Variants in MPRIP observed in about 807,000 individuals in gnomAD.
MPRIP encodes the protein myosin phosphatase Rho interacting protein.
Under a neutral mutation model 234.9 loss-of-function variants are expected in MPRIP, and 59 were observed. That is an observed-to-expected ratio of 0.25 (90% confidence interval 0.20 to 0.31). MPRIP has a LOEUF of 0.31. Among genes scored for constraint, MPRIP ranks in the 10% least tolerant of loss-of-function variants. The pLI, the probability that MPRIP is intolerant of heterozygous loss-of-function variation, is 1.00. For synonymous variants in MPRIP, 1,144 were observed against 1,263.9 expected, an observed-to-expected ratio of 0.91 and a Z score of 2.01; for missense variants, 2,436 against 3,071.0, an observed-to-expected ratio of 0.79 and a Z score of 4.89.
rs138502878 is a variant in MPRIP, at chr17:17,093,652, T to C, written c.267+15576T>C. ...AATTGTTTTTTCAAAATAGTGTATG[T>C]ACAGTAGTTCAAAAAGTCAGATATG... On this transcript the variant is annotated intron_variant, in intron 3 of 23. Coordinates refer to ENST00000651222, the MANE Select transcript of MPRIP (RefSeq NM_001364716.4). 3.6e-3 allele frequency among the ~76,000 whole-genome samples: 554 copies of C among 152,326 alleles called. 5 individuals carry two copies. Among genetic ancestry groups the C allele is most frequent in the Middle Eastern group, 6.8e-3 (2 of 294 alleles).
intron 1 of MPRIP, among the ~76,000 whole-genome samples, chr17:17,057,324 G>C (rs1431605631): frequency 6.6e-6 from 1 of 152,266 alleles, no homozygotes; most frequent in African/African-American, 2.4e-5. Flanking sequence ...TGCAGGGGTG[G>C]CTCAGCTGCT....
Position 17,111,156 on chromosome 17 carries a change from AC to A in MPRIP, c.268-15544del, listed in dbSNP as rs796512102. On this transcript the variant is annotated intron_variant, in intron 3 of 23. Transcript: ENST00000651222. ...TTATTTTAAAAGTTTAAAAAAAAAAACCAAAAAAAAAAGAAAAAACCTCTAG... is the reference window on the plus strand; with the variant it reads ...TTATTTTAAAAGTTTAAAAAAAAAAACAAAAAAAAAAGAAAAAACCTCTAG... Among the ~76,000 whole-genome samples, 250 of 141,010 alleles carry A rather than the reference AC, an allele frequency of 1.8e-3. 1 individual carries two copies. The highest frequency in any genetic ancestry group is 6.1e-3 in the African/African-American group (220 of 36,000). 92.5% of individuals were successfully genotyped at this position (141,010 alleles called of 152,430 possible).
chr17:17,165,030 C>T lies in MPRIP; in HGVS notation c.3439C>T (p.His1147Tyr). ...AGAGGCTGACAACCAGAGCCTGGAGCACTCCTACCAGAGGGTCTCCAGCCA... is the reference window on the plus strand; with the variant it reads ...AGAGGCTGACAACCAGAGCCTGGAGTACTCCTACCAGAGGGTCTCCAGCCA... ...RREADNQSLEHSYQRVSSQLQ... is the reference protein window; with the variant it reads ...RREADNQSLEYSYQRVSSQLQ... Residue 1147 changes from histidine to tyrosine, a missense_variant, in exon 16 of 24, where the codon CAC (histidine) becomes TAC (tyrosine). This residue lies in a region of MPRIP where 1,998 missense variants were observed against 2,520.3 expected (regional missense o/e 0.79). Transcript: ENST00000651222. 7.7e-7 allele frequency: 1 copy of T among 1,301,730 alleles called. No homozygotes were observed. The highest frequency in any genetic ancestry group is 1.2e-5 in the South Asian group (1 of 81,030). 80.6% of individuals were successfully genotyped at this position (1,301,730 alleles called of 1,614,324 possible). A position where few individuals can be genotyped will look rare whatever the true frequency, so the allele number is the denominator to read the frequency against.
intron 3 of MPRIP, among the ~76,000 whole-genome samples, chr17:17,100,767 G>T (rs1386768000): frequency 6.6e-6 from 1 of 151,990 alleles, no homozygotes; most frequent in South Asian, 2.1e-4. Flanking sequence ...CTACATTATG[G>T]TGAGTATGTA....
chr17:17,109,917 C>T (rs138535185), intron 3 of MPRIP, among the ~76,000 whole-genome samples: 1 of 152,146 alleles, frequency 6.6e-6, no homozygotes, highest in Non-Finnish European at 1.5e-5. Context: ...ACACTTTGAG[C>T]AACAAAATAA....
chr17:17,105,391 A>T (rs1434120966), intron 3 of MPRIP, among the ~76,000 whole-genome samples: 3 of 151,492 alleles, frequency 2.0e-5, no homozygotes, highest in Non-Finnish European at 4.4e-5. Flanking sequence ...CTACATCCAT[A>T]CTCCTAGGGA....
intron 1 of MPRIP, among the ~76,000 whole-genome samples, chr17:17,060,381 G>C (rs1006135040): frequency 6.6e-6 from 1 of 152,242 alleles, no homozygotes; most frequent in East Asian, 1.9e-4. Flanking sequence ...CCCTTCACCT[G>C]TGTCACCCTT....
intron 4 of MPRIP, among the ~76,000 whole-genome samples, chr17:17,129,861 A>C (rs1597855280): frequency 1.3e-5 from 2 of 152,320 alleles, no homozygotes; most frequent in South Asian, 4.1e-4. Flanking sequence ...TGGTCAGAAG[A>C]AGTGGCAGCT....
chr17:17,154,182 G>A lies in MPRIP; in HGVS notation c.1720-124G>A, dbSNP rs903480398. Reference sequence around the variant, plus strand: ...TGGGCACATGTGGCACTCCTAGAAGGGTCACCCAGTCACAGCCTTTCTCCC... The same window carrying A: ...TGGGCACATGTGGCACTCCTAGAAGAGTCACCCAGTCACAGCCTTTCTCCC... On this transcript the variant is annotated intron_variant, in intron 12 of 23. Coordinates refer to ENST00000651222, the MANE Select transcript of MPRIP (RefSeq NM_001364716.4). The A allele has an allele frequency of 2.0e-4, 153 of 764,134 alleles. 1 individual carries two copies. Among genetic ancestry groups the A allele is most frequent in the Admixed American group, 8.8e-4 (41 of 46,572 alleles). 47.3% of individuals were successfully genotyped at this position (764,134 alleles called of 1,614,324 possible).
intron 16 of MPRIP, chr17:17,171,508 C>A: frequency 3.4e-6 from 2 of 585,632 alleles, no homozygotes; most frequent in Non-Finnish European, 6.0e-6. Context: ...TGACTGGTAA[C>A]ACCCTTTTCT....
At chr17:17,132,782 C>T (rs895610987) in intron 5 of MPRIP, among the ~76,000 whole-genome samples, 7 of 152,242 alleles carry the variant, frequency 4.6e-5, no homozygotes, top group African/African-American at 7.2e-5. Context: ...AGCCAACATC[C>T]GCTGGAAAGG....
chr17:17,172,607 C>A, intron 17 of MPRIP, 91 bp from the exon 18 acceptor site: 2 of 924,018 alleles, frequency 2.2e-6, no homozygotes, highest in South Asian at 1.4e-5. Context: ...CAGTGGCAGG[C>A]GCCATCCCAT....
chr17:17,174,182 A>T (rs141194982), intron 19 of MPRIP, 107 bp downstream of exon 19: 1 of 1,359,788 alleles, frequency 7.4e-7, no homozygotes, highest in Non-Finnish European at 1.0e-6. Flanking sequence ...CCTCACCCTC[A>T]AAGTGGCATG....
intron 12 of MPRIP, among the ~76,000 whole-genome samples, chr17:17,153,940 C>T (rs1276537336): frequency 6.6e-6 from 1 of 152,180 alleles, no homozygotes; most frequent in Non-Finnish European, 1.5e-5. Context: ...CTGCTCAGCA[C>T]ATGCTGATTC....
In MPRIP at chr17:17,166,321, G is replaced by A; in HGVS notation, c.4730G>A (p.Ser1577Asn). The change falls in exon 16 of 24, where the codon AGC (serine) becomes AAC (asparagine). Residue 1577 changes from serine to asparagine, a missense_variant. Ser to Asn is a conservative substitution (Grantham distance 46). Around this residue, in one of 4 missense-constraint regions of MPRIP, gnomAD observed 1,998 missense variants for 2,520.3 expected, o/e 0.79. Transcript: ENST00000651222. This position sits in a 1 kb window ranked among gnomAD's most constrained non-coding sequence, Gnocchi z 4.4. The stretch of plus-strand genomic sequence containing the variant: ...ATTGCTCTGGAGGCCTCGCTGATCA[G>A]CCAGATAGCAGATTCCCTGAAGAAC... The part of the protein sequence containing the change: ...DQIALEASLI[S>N]QIADSLKNTT... The A allele has an allele frequency of 1.5e-6, 2 of 1,304,542 alleles. No individual in the cohort carries two copies. Among genetic ancestry groups the A allele is most frequent in the Non-Finnish European group, 2.0e-6 (2 of 989,034 alleles). 80.8% of individuals were successfully genotyped at this position (1,304,542 alleles called of 1,614,324 possible).
intron 3 of MPRIP, among the ~76,000 whole-genome samples, chr17:17,085,498 G>T (rs970472690): frequency 1.3e-5 from 2 of 152,184 alleles, no homozygotes; most frequent in Non-Finnish European, 2.9e-5. Flanking sequence ...GTGGAATTCT[G>T]CACGGAGTCT....
Position 17,177,306 on chromosome 17 carries a change from G to T in MPRIP, c.7014G>T (p.Ala2338=), listed in dbSNP as rs762579889. Residue 2338 remains alanine, a synonymous_variant, in exon 22 of 24, where the codon GCG becomes GCT. Transcript: ENST00000651222. ...ACATCTACACAGAGCTCAGCATCGC[G>T]AAGGCTAAGGCTGACTGTGACATCA... ...YKDIYTELSI[A]KAKADCDISR... is the part of the protein sequence containing the mutation. 1.2e-6 allele frequency: 2 copies of T among 1,613,916 alleles called. No homozygotes were observed. The highest frequency in any genetic ancestry group is 2.2e-5 in the South Asian group (2 of 91,092).
chr17:17,082,699 A>G (rs969680779), intron 3 of MPRIP, among the ~76,000 whole-genome samples: 3 of 152,118 alleles, frequency 2.0e-5, no homozygotes, highest in African/African-American at 7.2e-5. Flanking sequence ...TTGTTGCACA[A>G]CCACCACCAC....
chr17:17,166,414 C>G lies in MPRIP; in HGVS notation c.4823C>G (p.Ala1608Gly), dbSNP rs1478792382. Residue 1608 changes from alanine (A) to glycine (G), a missense_variant, in exon 16 of 24, where the codon GCT (alanine) becomes GGT (glycine). By Grantham distance (60) the Ala-to-Gly change is moderately conservative (BLOSUM62 0). Around this residue, in one of 4 missense-constraint regions of MPRIP, gnomAD observed 1,998 missense variants for 2,520.3 expected, o/e 0.79. Transcript: ENST00000651222. This position sits in a 1 kb window ranked among gnomAD's most constrained non-coding sequence, Gnocchi z 4.4. ...TCAGGACAGCCACCGATGGAATCTG[C>G]TGGGGCCCCCGTAGACACCTGGGCC... ...SWSGQPPMES[A>G]GAPVDTWARK... The G allele has an allele frequency of 1.5e-6, 2 of 1,304,454 alleles. No homozygotes were observed. Among genetic ancestry groups the G allele is most frequent in the Non-Finnish European group, 2.0e-6 (2 of 989,012 alleles). 80.8% of individuals were successfully genotyped at this position (1,304,454 alleles called of 1,614,324 possible).
Sources: gnomAD v4.1 joint callset for allele counts (sites outside exome capture counted in the v4.1 genomes callset) on GRCh38, gnomAD v4.1.1 for gene constraint, gnomAD v4.1.1 regional missense constraint, Gnocchi (gnomAD v3.1) non-coding constraint, MANE v1.5 for transcripts, NCBI Gene and HGNC (gene_info 2026-07-23, HGNC 2026-07-21) for gene names.